The following WWOX variants were observed in gnomAD, a reference collection of about 807,000 sequenced individuals.
WWOX encodes the protein WW domain containing oxidoreductase.
A neutral mutation model predicts 46.2 loss-of-function variants in WWOX; 69 were observed. That is an observed-to-expected ratio of 1.49 (90% CI 1.23 to 1.82). The LOEUF (loss-of-function observed/expected upper bound fraction) is 1.82, where lower values mean the gene tolerates loss of function less well. WWOX is among the 40% of genes most tolerant of loss of function. The pLI, the probability that WWOX is intolerant of heterozygous loss-of-function variation, is 0.00. For missense variants in WWOX, 919 were observed against 542.6 expected, an observed-to-expected ratio of 1.69 and a Z score of -6.89; for synonymous variants, 359 against 202.6, an observed-to-expected ratio of 1.77 and a Z score of -6.56.
intron 8 of WWOX, among the ~76,000 whole-genome samples, chr16:78,696,992 G>A (rs1280909957): frequency 6.6e-6 from 1 of 152,260 alleles, no homozygotes; most frequent in East Asian, 1.9e-4. Flanking sequence ...AATGCCATCA[G>A]TTCATTCCTT....
chr16:79,171,164 T>G (rs1214059726), intron 8 of WWOX, among the ~76,000 whole-genome samples: 1 of 152,162 alleles, frequency 6.6e-6, no homozygotes, highest in Non-Finnish European at 1.5e-5. Context: ...ACACACTGAC[T>G]TGGGAGACAC....
intron 8 of WWOX, among the ~76,000 whole-genome samples, chr16:78,967,059 T>A (rs1261288294): frequency 5.3e-5 from 8 of 152,170 alleles, no homozygotes; most frequent in African/African-American, 1.4e-4. Context: ...TCCATTGTTG[T>A]CCTTTCTTTT....
intron 6 of WWOX, among the ~76,000 whole-genome samples, chr16:78,392,367 G>A (rs937747339): frequency 2.0e-5 from 3 of 152,100 alleles, no homozygotes; most frequent in African/African-American, 7.2e-5. Context: ...TTCAAGATGG[G>A]ATTGTCTAGT....
At chr16:78,984,870 G>A (rs1244491641) in intron 8 of WWOX, among the ~76,000 whole-genome samples, 2 of 152,192 alleles carry the variant, frequency 1.3e-5, no homozygotes, top group Non-Finnish European at 2.9e-5. Context: ...GGTGCATGGA[G>A]CGTGCAGGGG....
chr16:78,906,189 G>C (rs1268096844), intron 8 of WWOX, among the ~76,000 whole-genome samples: 2 of 152,186 alleles, frequency 1.3e-5, no homozygotes, highest in South Asian at 2.1e-4. Flanking sequence ...TGGGGCAGCA[G>C]AGAGCCACTG....
intron 8 of WWOX, among the ~76,000 whole-genome samples, chr16:78,563,014 C>G (rs1024902623): frequency 1.3e-4 from 20 of 151,542 alleles, no homozygotes; most frequent in African/African-American, 4.4e-4. Flanking sequence ...CTCCCCCTAT[C>G]TTTCTTTCTT....
intron 8 of WWOX, among the ~76,000 whole-genome samples, chr16:78,980,062 A>C (rs2046650735): frequency 6.6e-6 from 1 of 152,222 alleles, no homozygotes; most frequent in Admixed American, 6.5e-5. Flanking sequence ...CAGAAGGCCA[A>C]GGTTGTAGTA....
chr16:78,382,770 A>G (rs546693419), intron 5 of WWOX, among the ~76,000 whole-genome samples: 5 of 152,208 alleles, frequency 3.3e-5, no homozygotes, highest in Admixed American at 6.5e-5. Context: ...ATATGAATAC[A>G]TACACATGAT....
intron 8 of WWOX, among the ~76,000 whole-genome samples, chr16:78,618,635 G>A (rs1442376825): frequency 6.6e-6 from 1 of 152,168 alleles, no homozygotes; most frequent in East Asian, 1.9e-4. Flanking sequence ...CTGGGACACA[G>A]TACGCTCTCA....
At chr16:78,438,301 CTTGTAAACT>C (rs981953762) in intron 8 of WWOX, among the ~76,000 whole-genome samples, 14 of 152,098 alleles carry the variant, frequency 9.2e-5, no homozygotes, top group Admixed American at 5.9e-4. Flanking sequence ...ATATACCAGC[CTTGTAAACT>C]TTCACTTGCT....
intron 8 of WWOX, among the ~76,000 whole-genome samples, chr16:78,827,903 C>G (rs765311912): frequency 6.6e-6 from 1 of 152,110 alleles, no homozygotes; most frequent in Non-Finnish European, 1.5e-5. Flanking sequence ...AGGATGGGAA[C>G]CAGGCACTGC....
intron 8 of WWOX, among the ~76,000 whole-genome samples, chr16:78,731,404 C>T (rs79664214): frequency 0.021 from 3,208 of 152,224 alleles, 117 homozygotes; most frequent in African/African-American, 0.073. Context: ...ACTACGGCTC[C>T]TTGGGAAATC....
chr16:79,202,337 G>A lies in WWOX; in HGVS notation c.1057-9271G>A, dbSNP rs538058735. Among the ~76,000 whole-genome samples, 68 of 152,248 alleles carry A rather than the reference G, an allele frequency of 4.5e-4. No homozygotes were observed. In the South Asian group the frequency reaches 0.014, roughly 31 times the overall value. On this transcript the variant is annotated intron_variant, in intron 8 of 8. Coordinates refer to ENST00000566780, the MANE Select transcript of WWOX (RefSeq NM_016373.4). The stretch of plus-strand genomic sequence containing the variant: ...TCCGTATTGTTGAGATGGGAATGAC[G>A]GGACCCTCAGTAGTGTTTTGGGATA...
chr16:78,408,266 T>C (rs1028246983), intron 6 of WWOX, among the ~76,000 whole-genome samples: 1 of 152,214 alleles, frequency 6.6e-6, no homozygotes, highest in Non-Finnish European at 1.5e-5. Context: ...TGGTTTCCTA[T>C]GCTGTCATGC....
rs140265592 is a variant in WWOX at position 79,150,472 on chromosome 16, A to G, written c.1057-61136A>G. Among the ~76,000 whole-genome samples, 93 of 152,272 alleles carry G rather than the reference A, an allele frequency of 6.1e-4. 1 individual carries two copies. The East Asian group carries it at 0.017, about 27-fold the overall frequency. ...TACGATGATAAATGGTGCTAAATCT[A>G]TGTCCCCAATATAGGGAAGACAGGA... On this transcript the variant is annotated intron_variant, in intron 8 of 8. Transcript: ENST00000566780.
chr16:78,782,088 G>T (rs1008851319), intron 8 of WWOX, among the ~76,000 whole-genome samples: 5 of 152,156 alleles, frequency 3.3e-5, no homozygotes, highest in Admixed American at 2.0e-4. Flanking sequence ...AGAAATAGAT[G>T]AAGCTGTTAC....
chr16:79,104,837 G>C (rs1490046631), intron 8 of WWOX, among the ~76,000 whole-genome samples: 1 of 152,134 alleles, frequency 6.6e-6, no homozygotes, highest in African/African-American at 2.4e-5. Flanking sequence ...GTGCGTACTT[G>C]CAATCCCCAC....
Position 78,264,007 on chromosome 16 carries a change from TTTTTTTTTG to T in WWOX, c.516+99726_516+99734del, listed in dbSNP as rs1196716655. On this transcript the variant is annotated intron_variant, in intron 5 of 8. Coordinates refer to ENST00000566780, the MANE Select transcript of WWOX (RefSeq NM_016373.4). ...TTTGGCTGTGAAATCTTTTTTTTTT[TTTTTTTTTG>T]TTTTTTTGCTGTGGAGCGCAAAATG... 2.6e-4 allele frequency among the ~76,000 whole-genome samples: 36 copies of T among 138,706 alleles called. 1 individual carries two copies. The highest frequency in any genetic ancestry group is 7.2e-3 in the Middle Eastern group (2 of 276). 91.0% of individuals were successfully genotyped at this position (138,706 alleles called of 152,430 possible).
intron 8 of WWOX, among the ~76,000 whole-genome samples, chr16:79,200,346 G>A (rs772331777): frequency 5.9e-5 from 9 of 152,190 alleles, no homozygotes; most frequent in Admixed American, 2.0e-4. Flanking sequence ...AGATTTTCAA[G>A]TGTATGCATG....
Sources: gnomAD v4.1 joint callset for allele counts (sites outside exome capture counted in the v4.1 genomes callset) on GRCh38, gnomAD v4.1.1 for gene constraint, MANE v1.5 for transcripts, NCBI Gene and HGNC (gene_info 2026-07-23, HGNC 2026-07-21) for gene names.